Variants in VPS35 observed in about 807,000 individuals in gnomAD.
The protein encoded by VPS35 is vacuolar protein sorting-associated protein 35.
VPS35 carries 21 observed loss-of-function variants against 98.1 expected under a neutral mutation model. The ratio of observed to expected loss-of-function variants is 0.21; its 90% CI spans 0.15 to 0.31. VPS35 has a LOEUF of 0.31. VPS35 is among the 10% of genes least tolerant of loss of function. The probability of loss-of-function intolerance (pLI) is 1.00; values close to 1 mark genes in which losing one functional copy is unlikely to be tolerated. For synonymous variants in VPS35, 268 were observed against 318.2 expected, an observed-to-expected ratio of 0.84 and a Z score of 1.68; for missense variants, 554 against 950.8, an observed-to-expected ratio of 0.58 and a Z score of 5.49.
intron 2 of VPS35, 153 bp downstream of exon 2, chr16:46,683,355 C>T (rs866368387): frequency 4.1e-6 from 3 of 740,042 alleles, no homozygotes; most frequent in South Asian, 1.6e-5. Context: ...TGAAATTGCT[C>T]CACAAAGTGC....
At chr16:46,683,297 G>A in intron 2 of VPS35, 2 of 594,378 alleles carry the variant, frequency 3.4e-6, no homozygotes, top group Non-Finnish European at 6.0e-6. Flanking sequence ...AGGGAAGACA[G>A]ACAATCCCAA....
chr16:46,686,133 A>G (rs1966309317), intron 1 of VPS35, among the ~76,000 whole-genome samples: 2 of 152,136 alleles, frequency 1.3e-5, no homozygotes, highest in Non-Finnish European at 1.5e-5. Flanking sequence ...AAATCATACA[A>G]TATTTTTACT....
Position 46,660,483 on chromosome 16 carries a change from G to A in VPS35, c.2380C>T (p.Leu794Phe). ...GAGCTATTTCCTTTTTAAAGGATGA[G>A]ACCTTCATAAATTGGCCCCTCGGAT... Reference protein sequence around the residue: ...PESEGPIYEGLIL With the variant: ...PESEGPIYEGFIL Residue 794 changes from leucine (L) to phenylalanine (F), a missense_variant, in exon 17 of 17, where the codon CTC becomes TTC. By Grantham distance (22) the Leu-to-Phe change is conservative (BLOSUM62 0). This residue lies in a region of VPS35 where 153 missense variants were observed against 211.0 expected (regional missense o/e 0.73). Coordinates refer to ENST00000299138, the MANE Select transcript of VPS35 (RefSeq NM_018206.6). 6.2e-7 allele frequency: 1 copy of A among 1,613,820 alleles called. No homozygotes were observed. The highest frequency in any genetic ancestry group is 8.5e-7 in the Non-Finnish European group (1 of 1,179,996).
At chr16:46,672,936 A>C (rs1480005918) in intron 10 of VPS35, among the ~76,000 whole-genome samples, 1 of 152,228 alleles carries the variant, frequency 6.6e-6, no homozygotes, top group Non-Finnish European at 1.5e-5. Context: ...GTTGGTGATT[A>C]AGGAAAAGCA....
In VPS35 at chr16:46,674,547, A is replaced by G; in HGVS notation, c.1011+17T>C. On this transcript the variant is annotated intron_variant, in intron 9 of 16. Transcript: ENST00000299138. ...AGTTTCAAAGTTTTGAGAACTTAGGAGAAATGCTACACAAACCTGTATCAC... is the reference window on the plus strand; with the variant it reads ...AGTTTCAAAGTTTTGAGAACTTAGGGGAAATGCTACACAAACCTGTATCAC... 6.8e-6 allele frequency: 11 copies of G among 1,608,356 alleles called. No individual in the cohort carries two copies. Among genetic ancestry groups the G allele is most frequent in the Non-Finnish European group, 9.3e-6 (11 of 1,176,664 alleles).
At chr16:46,666,800 T>C (rs1468386613) in intron 13 of VPS35, among the ~76,000 whole-genome samples, 5 of 152,230 alleles carry the variant, frequency 3.3e-5, no homozygotes, top group Non-Finnish European at 5.9e-5. Flanking sequence ...TGTGCGTACA[T>C]ACATATACAC....
At chr16:46,678,309 AAAAAAAAAAAAAAAAAAAAAAAAAAGC>A (rs1966181503) in intron 6 of VPS35, among the ~76,000 whole-genome samples, 1 of 286 alleles carries the variant, frequency 3.5e-3, no homozygotes. Context: ...GAGCTTTAAA[AAAAAAAAAAAAAAAAAAAAAAAAAAGC>A]AAAAAATCTC....
At chr16:46,660,820 CAAAA>C (rs33973421) in intron 16 of VPS35, 169 bp from the exon 17 acceptor site, 17 of 340,852 alleles carry the variant, frequency 5.0e-5, no homozygotes, top group East Asian at 1.6e-4. Flanking sequence ...TACTGACTAT[CAAAA>C]AAAAAAAAAA....
chr16:46,688,412 A>T (rs561843305), intron 1 of VPS35: 3 of 986,992 alleles, frequency 3.0e-6, no homozygotes, highest in Non-Finnish European at 3.6e-6. Flanking sequence ...GACGGGCCCT[A>T]AGGAGAAGTA....
At chr16:46,682,658 A>T (rs1357665942) in intron 2 of VPS35, 1 of 158,024 alleles carries the variant, frequency 6.3e-6, no homozygotes, top group Non-Finnish European at 1.4e-5. Context: ...TCAGAAATGC[A>T]AGCAATTCCT....
At position 46,661,784 on chromosome 16, in the gene VPS35, TAG is replaced by T; in HGVS notation, c.2143_2144del (p.Leu715ThrfsTer17). On this transcript the variant is annotated frameshift_variant, in exon 16 of 17. Transcript: ENST00000299138. LOFTEE classifies it high-confidence loss of function. This position sits in a 1 kb window ranked among gnomAD's most constrained non-coding sequence, Gnocchi z 4.3. The stretch of plus-strand genomic sequence containing the variant: ...GAATTTCTATAAAAAGCTGCACTTG[TAG>T]AGAGGGGTCCATGCACTGATTTGCT... ...KIANQCMDPS[L>X]QVQLFIEILN... is the part of the protein sequence containing the mutation. The T allele has an allele frequency of 6.2e-7, 1 of 1,614,048 alleles. No individual in the cohort carries two copies. Among genetic ancestry groups the T allele is most frequent in the South Asian group, 1.1e-5 (1 of 91,086 alleles).
intron 13 of VPS35, among the ~76,000 whole-genome samples, chr16:46,663,753 T>C (rs1351252958): frequency 6.7e-6 from 1 of 150,096 alleles, no homozygotes; most frequent in African/African-American, 2.5e-5. Context: ...TGGAGTGCAG[T>C]GGTGTGATCA....
chr16:46,675,100 C>CCTTTTTTTTTTTTTTTTTTT (rs1966127720), intron 8 of VPS35, among the ~76,000 whole-genome samples: 1 of 151,010 alleles, frequency 6.6e-6, no homozygotes, highest in African/African-American at 2.5e-5. Context: ...CTCCTCAATT[C>CCTTTTTTTTTTTTTTTTTTT]ATTTTTAACT....
intron 4 of VPS35, among the ~76,000 whole-genome samples, 183 bp from the exon 5 acceptor site, chr16:46,681,036 C>CAT (rs1163204741): frequency 6.8e-6 from 1 of 147,706 alleles, no homozygotes; most frequent in Non-Finnish European, 1.5e-5. Context: ...AAACTATACA[C>CAT]ACACACACAC....
intron 8 of VPS35, 149 bp downstream of exon 8, chr16:46,676,434 A>G (rs1167963120): frequency 1.1e-5 from 7 of 666,354 alleles, no homozygotes; most frequent in Non-Finnish European, 1.6e-5. Flanking sequence ...CCTAGTACTC[A>G]TACTCACAAA....
intron 5 of VPS35, among the ~76,000 whole-genome samples, chr16:46,680,268 A>G (rs1333584982): frequency 2.0e-5 from 3 of 152,256 alleles, no homozygotes; most frequent in Admixed American, 6.5e-5. Context: ...CAAGGTAACT[A>G]GCAGTCTATA....
intron 1 of VPS35, chr16:46,688,767 C>CG (rs1165738753): frequency 1.6e-6 from 2 of 1,252,262 alleles, no homozygotes; most frequent in Non-Finnish European, 2.0e-6. Flanking sequence ...CCACGCGCCC[C>CG]GGGGGCCAGA....
In VPS35 at chr16:46,668,933, T is replaced by C. The variant is rs1185014946; in HGVS notation, c.1644A>G (p.Lys548=). The stretch of plus-strand genomic sequence containing the variant: ...AAATACTTAAAAGTAAACTCACCAC[T>C]TTAGAATTCTCTTTATATCGAAAAG... ...QLAFRYKENS[K]VDDKWEKKCQ... is the part of the protein sequence containing the mutation. The change falls in exon 13 of 17, where the codon AAA becomes AAG. Residue 548 remains lysine, a synonymous_variant. Coordinates refer to ENST00000299138, the MANE Select transcript of VPS35 (RefSeq NM_018206.6). 6.2e-7 allele frequency: 1 copy of C among 1,614,106 alleles called. No homozygotes were observed. The highest frequency in any genetic ancestry group is 8.5e-7 in the Non-Finnish European group (1 of 1,180,010).
At chr16:46,677,585 G>A in intron 6 of VPS35, 187 bp from the exon 7 acceptor site, 1 of 581,092 alleles carries the variant, frequency 1.7e-6, no homozygotes, top group Non-Finnish European at 3.1e-6. Context: ...GCCCAGGCTG[G>A]AGTGAAGTGG....
Sources: gnomAD v4.1 joint callset for allele counts (sites outside exome capture counted in the v4.1 genomes callset) on GRCh38, gnomAD v4.1.1 for gene constraint, gnomAD v4.1.1 regional missense constraint, Gnocchi (gnomAD v3.1) non-coding constraint, MANE v1.5 for transcripts, NCBI Gene and HGNC (gene_info 2026-07-23, HGNC 2026-07-21) for gene names.